DAGLB: variants seen among roughly 807,000 people sequenced by gnomAD.
DAGLB encodes the protein diacylglycerol lipase-beta.
Under a neutral mutation model 72.1 loss-of-function variants are expected in DAGLB, and 66 were observed. The ratio of observed to expected loss-of-function variants is 0.92; its 90% CI spans 0.75 to 1.12. The LOEUF (loss-of-function observed/expected upper bound fraction) is 1.12, where lower values mean the gene tolerates loss of function less well. DAGLB is among the 50% of genes most tolerant of loss of function. DAGLB has a pLI of 0.00. For missense variants in DAGLB, 1,065 were observed against 884.9 expected, an observed-to-expected ratio of 1.20 and a Z score of -2.58; for synonymous variants, 414 against 359.5, an observed-to-expected ratio of 1.15 and a Z score of -1.71.
chr7:6,439,157 A>C (rs1316237995), intron 2 of DAGLB, among the ~76,000 whole-genome samples: 1 of 151,882 alleles, frequency 6.6e-6, no homozygotes, highest in African/African-American at 2.4e-5. Context: ...CAGGAAGCTG[A>C]GGCAAGAGAA....
At chr7:6,436,225 A>T in intron 3 of DAGLB, 137 bp downstream of exon 3, 2 of 1,081,990 alleles carry the variant, frequency 1.8e-6, no homozygotes, top group Non-Finnish European at 2.6e-6. Flanking sequence ...AATTTTCATG[A>T]GTTACGCAGA....
Position 6,441,207 on chromosome 7 carries a change from C to T in DAGLB, c.248-4674G>A, listed in dbSNP as rs182818683. On this transcript the variant is annotated intron_variant, in intron 2 of 14. Transcript: ENST00000297056. ...CCAGGTTCATGCCATTCTCCTGGCTCAGCCTCCCAAGTAGCTGGGACTACA... is the reference window on the plus strand; with the variant it reads ...CCAGGTTCATGCCATTCTCCTGGCTTAGCCTCCCAAGTAGCTGGGACTACA... 5.4e-3 allele frequency among the ~76,000 whole-genome samples: 806 copies of T among 150,346 alleles called. 3 individuals are homozygous for T. The highest frequency in any genetic ancestry group is 8.0e-3 in the Non-Finnish European group (542 of 67,732).
chr7:6,437,155 AAAT>A (rs36026233), intron 2 of DAGLB, among the ~76,000 whole-genome samples: 8,628 of 125,420 alleles, frequency 0.069, 453 homozygotes, highest in Admixed American at 0.15. Flanking sequence ...CTCCGTCTCA[AAAT>A]AATAATAATA....
At chr7:6,445,063 A>G (rs574788968) in intron 2 of DAGLB, among the ~76,000 whole-genome samples, 27 of 152,328 alleles carry the variant, frequency 1.8e-4, no homozygotes, top group South Asian at 8.3e-4. Context: ...CTGCTTGGAA[A>G]AGTCTGGCAG....
chr7:6,442,221 G>C (rs2115297206), intron 2 of DAGLB, among the ~76,000 whole-genome samples: 1 of 152,188 alleles, frequency 6.6e-6, no homozygotes, highest in East Asian at 1.9e-4. Flanking sequence ...GTGTGGGATG[G>C]GGGCAAAACA....
At position 6,412,882 on chromosome 7, in the gene DAGLB, G is replaced by C. The variant is rs143624783; in HGVS notation, c.1498C>G (p.Leu500Val). ...LVLGKDVIPR[L>V]SVTNLEDLKR... ...AGATCTTCCAAGTTGGTCACACTGA[G>C]CCTGTTTAGCAAAGGGGCACACTGA... is the stretch of plus-strand genomic sequence containing the variant. Residue 500 changes from leucine (L) to valine (V), a missense_variant and splice_region_variant, in exon 13 of 15, where the codon CTC becomes GTC. Physicochemically the swap from Leu to Val is conservative, Grantham distance 32. Transcript: ENST00000297056. 7 of 1,609,762 alleles carry C rather than the reference G, an allele frequency of 4.3e-6. No homozygotes were observed. The highest frequency in any genetic ancestry group is 5.9e-6 in the Non-Finnish European group (7 of 1,177,814).
chr7:6,436,836 A>G (rs2115285524), intron 2 of DAGLB, among the ~76,000 whole-genome samples: 1 of 152,102 alleles, frequency 6.6e-6, no homozygotes, highest in East Asian at 1.9e-4. Flanking sequence ...TCTGAGAGGA[A>G]AAAAGGGGAC....
chr7:6,446,211 G>A, intron 1 of DAGLB, 107 bp from the exon 2 acceptor site: 2 of 1,146,368 alleles, frequency 1.7e-6, no homozygotes, highest in Non-Finnish European at 1.2e-6. Flanking sequence ...GCTCACACCT[G>A]TAATCACAGC....
intron 6 of DAGLB, among the ~76,000 whole-genome samples, chr7:6,430,124 G>A (rs1328178982): frequency 6.6e-6 from 1 of 151,698 alleles, no homozygotes; most frequent in African/African-American, 2.4e-5. Context: ...AGCACCGCTT[G>A]AGCCTGGGAG....
chr7:6,413,070 C>G (rs369997708), intron 11 of DAGLB, 36 bp from the exon 12 acceptor site: 84 of 1,602,078 alleles, frequency 5.2e-5, no homozygotes, highest in Non-Finnish European at 7.2e-5. Flanking sequence ...GTTAGCTTTA[C>G]GATGACACTG....
At chr7:6,429,693 G>C (rs1784417934) in intron 6 of DAGLB, among the ~76,000 whole-genome samples, 1 of 152,034 alleles carries the variant, frequency 6.6e-6, no homozygotes, top group Non-Finnish European at 1.5e-5. Context: ...ACAAGGTCAG[G>C]AGTTCCAGAC....
At chr7:6,424,347 G>A (rs538489711) in intron 8 of DAGLB, among the ~76,000 whole-genome samples, 28 of 152,138 alleles carry the variant, frequency 1.8e-4, no homozygotes, top group East Asian at 5.8e-4. Flanking sequence ...AGCCTCCAGC[G>A]GGGCTGGTGG....
chr7:6,434,020 G>A (rs1334473851), intron 4 of DAGLB, among the ~76,000 whole-genome samples: 1 of 152,058 alleles, frequency 6.6e-6, no homozygotes, highest in Admixed American at 6.6e-5. Context: ...GAGGGGACAC[G>A]CTTCCCTCTT....
chr7:6,445,795 T>G, intron 2 of DAGLB, 158 bp downstream of exon 2: 1 of 780,640 alleles, frequency 1.3e-6, no homozygotes, highest in Non-Finnish European at 1.9e-6. Flanking sequence ...GTGAAGAAAA[T>G]GGTATAAACT....
chr7:6,430,709 G>C, intron 5 of DAGLB, 102 bp from the exon 6 acceptor site: 1 of 1,270,262 alleles, frequency 7.9e-7, no homozygotes, highest in Non-Finnish European at 1.0e-6. Context: ...GACTCTTCCT[G>C]CTCCTTCGTT....
rs1562487978 is a variant in DAGLB, at chr7:6,437,159, AATAATAAT to A, written c.248-634_248-627del. 2.4e-3 allele frequency among the ~76,000 whole-genome samples: 283 copies of A among 116,608 alleles called. 3 individuals are homozygous for A. The highest frequency in any genetic ancestry group is 8.1e-3 in the Admixed American group (72 of 8,872). 76.5% of individuals were successfully genotyped at this position (116,608 alleles called of 152,430 possible). A position where few individuals can be genotyped will look rare whatever the true frequency, so the allele number is the denominator to read the frequency against. The stretch of plus-strand genomic sequence containing the variant: ...ACAGAGCAAGACTCCGTCTCAAAAT[AATAATAAT>A]AATAATAATAATAATAATAATAATA... On this transcript the variant is annotated intron_variant, in intron 2 of 14. Coordinates refer to ENST00000297056, the MANE Select transcript of DAGLB (RefSeq NM_139179.4).
intron 9 of DAGLB, among the ~76,000 whole-genome samples, chr7:6,419,057 CTG>C (rs1488737152): frequency 1.4e-5 from 2 of 148,066 alleles, no homozygotes; most frequent in Admixed American, 1.4e-4. Flanking sequence ...CTTCAACACT[CTG>C]TGTGCATTCA....
Position 6,447,810 on chromosome 7 carries a change from C to A in DAGLB, c.33G>T (p.Trp11Cys). The stretch of plus-strand genomic sequence containing the variant: ...AGACCAAGTCGTCGCTGGCGATGGC[C>A]CAGCGCCGGCCGAAGAGTACCATCC... Reference protein sequence around the residue: MPGMVLFGRRWAIASDDLVFP... With the variant: MPGMVLFGRRCAIASDDLVFP... Residue 11 changes from tryptophan to cysteine, a missense_variant, in exon 1 of 15, where the codon TGG (tryptophan) becomes TGT (cysteine). Coordinates refer to ENST00000297056, the MANE Select transcript of DAGLB (RefSeq NM_139179.4). 6.2e-7 allele frequency: 1 copy of A among 1,613,180 alleles called. No individual in the cohort carries two copies. The highest frequency in any genetic ancestry group is 1.1e-5 in the South Asian group (1 of 90,930).
intron 8 of DAGLB, among the ~76,000 whole-genome samples, chr7:6,423,548 T>C (rs1486222218): frequency 1.3e-5 from 2 of 151,736 alleles, no homozygotes; most frequent in East Asian, 3.9e-4. Context: ...CTCAGCCTCC[T>C]GAGTATCTGG....
Sources: allele counts gnomAD v4.1 joint callset (sites outside exome capture counted in the v4.1 genomes callset), GRCh38; gene constraint gnomAD v4.1.1; transcripts MANE v1.5; gene names NCBI Gene and HGNC (gene_info 2026-07-23, HGNC 2026-07-21).